TYW3: variants seen among roughly 807,000 people sequenced by gnomAD.
TYW3 encodes the protein tRNA-yW synthesizing protein 3 homolog.
In TYW3, 26 loss-of-function variants were observed where a neutral mutation model predicts 23.1. That is an observed-to-expected ratio of 1.13 (90% confidence interval 0.83 to 1.56). TYW3 has a LOEUF of 1.56. Among genes scored for constraint, TYW3 ranks in the 40% most tolerant of loss-of-function variants. TYW3 has a pLI of 0.00. For synonymous variants in TYW3, 102 were observed against 105.7 expected (o/e 0.97, Z 0.21); for missense variants, 316 against 311.9 (o/e 1.01, Z -0.10).
At chr1:74,736,188 T>A (rs1210514701) in intron 1 of TYW3, 1 of 157,166 alleles carries the variant, frequency 6.4e-6, no homozygotes, top group Non-Finnish European at 1.4e-5. Flanking sequence ...AAATTAAAAT[T>A]ATTTTTTTTT....
At chr1:74,763,261 A>G (rs570911000) in intron 5 of TYW3, among the ~76,000 whole-genome samples, 41 of 152,128 alleles carry the variant, frequency 2.7e-4, no homozygotes, top group Non-Finnish European at 5.0e-4. Flanking sequence ...ATATAAAGAA[A>G]TGGCTAAAAA....
intron 3 of TYW3, chr1:74,748,506 T>C (rs1479105810): frequency 4.6e-6 from 2 of 432,600 alleles, no homozygotes; most frequent in Non-Finnish European, 4.1e-6. Flanking sequence ...TGTCACTGTT[T>C]GTGATTGAAT....
In TYW3 at chr1:74,763,946, C is replaced by T; in HGVS notation, c.613C>T (p.His205Tyr). The change falls in exon 6 of 6, where the codon CAT (histidine) becomes TAT (tyrosine). Residue 205 changes from histidine to tyrosine, a missense_variant. Coordinates refer to ENST00000370867, the MANE Select transcript of TYW3 (RefSeq NM_138467.3). Reference sequence around the variant, plus strand: ...GGAAAGGGAAACGATGACTAACTTACATCCCAAGATCAAAGAGAAAAATAA... The same window carrying T: ...GGAAAGGGAAACGATGACTAACTTATATCCCAAGATCAAAGAGAAAAATAA... Reference protein sequence around the residue: ...ALERETMTNLHPKIKEKNNSS... With the variant: ...ALERETMTNLYPKIKEKNNSS... 1.9e-6 allele frequency: 3 copies of T among 1,607,574 alleles called. No individual in the cohort carries two copies. The highest frequency in any genetic ancestry group is 1.7e-6 in the Non-Finnish European group (2 of 1,178,338).
chr1:74,733,791 G>A (rs1011302207), intron 1 of TYW3, among the ~76,000 whole-genome samples: 3 of 152,182 alleles, frequency 2.0e-5, no homozygotes, highest in African/African-American at 7.2e-5. Context: ...AGACTTTGTA[G>A]CTTGCTAAGG....
chr1:74,748,496 T>C (rs1006616322), intron 3 of TYW3: 2 of 404,434 alleles, frequency 4.9e-6, no homozygotes, highest in Non-Finnish European at 8.7e-6. Context: ...ACTAGCCAAA[T>C]GTCACTGTTT....
At chr1:74,742,253 G>C (rs999789477) in intron 3 of TYW3, among the ~76,000 whole-genome samples, 4 of 152,176 alleles carry the variant, frequency 2.6e-5, no homozygotes, top group African/African-American at 9.7e-5. Context: ...CCCCTCACAG[G>C]CTTTGACTAC....
intron 3 of TYW3, among the ~76,000 whole-genome samples, chr1:74,740,513 C>T (rs1476876410): frequency 6.6e-6 from 1 of 152,256 alleles, no homozygotes; most frequent in Non-Finnish European, 1.5e-5. Flanking sequence ...CACCCACATC[C>T]TGCTGATTGG....
At chr1:74,747,207 G>C (rs1648591520) in intron 3 of TYW3, among the ~76,000 whole-genome samples, 1 of 152,202 alleles carries the variant, frequency 6.6e-6, no homozygotes, top group South Asian at 2.1e-4. Flanking sequence ...TGTGGCAAGA[G>C]CTGGATTAAT....
chr1:74,752,809 C>A (rs141171200), intron 5 of TYW3, among the ~76,000 whole-genome samples: 172 of 152,256 alleles, frequency 1.1e-3, no homozygotes, highest in Non-Finnish European at 1.9e-3. Flanking sequence ...TCAGAGATTA[C>A]CTAGTCTTTC....
rs1649308986 is a variant in TYW3, at chr1:74,766,416, G to A, written c.*2303G>A. The A allele has an allele frequency of 6.6e-6, 1 of 152,130 alleles. No homozygotes were observed. Among genetic ancestry groups the A allele is most frequent in the Admixed American group, 6.6e-5 (1 of 15,246 alleles). The allele number at this position is 152,130 out of a possible 1,614,324, so 9.4% of individuals were successfully genotyped here. ...TGTGGAGGAGGAAGACAGTGATACT[G>A]AGGATTCTGACCCTGTGTAGGCTTA... is the stretch of plus-strand genomic sequence containing the variant. On this transcript the variant is annotated 3_prime_UTR_variant, in exon 6 of 6. Transcript: ENST00000370867.
At chr1:74,742,854 T>G (rs540839493) in intron 3 of TYW3, among the ~76,000 whole-genome samples, 111 of 152,334 alleles carry the variant, frequency 7.3e-4, no homozygotes, top group Middle Eastern at 3.4e-3. Flanking sequence ...TTACAGGCTG[T>G]CCCAGGATTC....
chr1:74,733,634 C>A, intron 1 of TYW3: 1 of 875,976 alleles, frequency 1.1e-6, no homozygotes, highest in Non-Finnish European at 1.4e-6. Flanking sequence ...AAATACAGAT[C>A]CCGATTCTTT....
At chr1:74,751,619 G>A (rs772722732) in intron 4 of TYW3, among the ~76,000 whole-genome samples, 9 of 151,686 alleles carry the variant, frequency 5.9e-5, no homozygotes, top group South Asian at 2.1e-4. Flanking sequence ...GCTGTGAGCC[G>A]AGATTGCACC....
chr1:74,759,720 T>G (rs1249803124), intron 5 of TYW3, among the ~76,000 whole-genome samples: 2 of 152,220 alleles, frequency 1.3e-5, no homozygotes, highest in Non-Finnish European at 2.9e-5. Context: ...CTTGGCTCAC[T>G]GCAACCTTCG....
rs539593185 is a variant in TYW3, at chr1:74,760,292, G to A, written c.561-3602G>A. Among the ~76,000 whole-genome samples, 4 of 152,192 alleles carry A rather than the reference G, an allele frequency of 2.6e-5. No homozygotes were observed. In the East Asian group the frequency reaches 7.7e-4, roughly 29 times the overall value. ...AGAAGGAGAAGCAGGAATATTTGGT[G>A]TAGCTTTTATTCAAAAAAAATCTGC... On this transcript the variant is annotated intron_variant, in intron 5 of 5. Transcript: ENST00000370867.
intron 5 of TYW3, among the ~76,000 whole-genome samples, chr1:74,761,964 G>A (rs1649148144): frequency 6.6e-6 from 1 of 152,070 alleles, no homozygotes; most frequent in Admixed American, 6.6e-5. Flanking sequence ...AGGATGTAAA[G>A]GGTGCATTAA....
intron 5 of TYW3, among the ~76,000 whole-genome samples, chr1:74,759,132 GA>G (rs1203209098): frequency 6.6e-6 from 1 of 152,062 alleles, no homozygotes; most frequent in African/African-American, 2.4e-5. Flanking sequence ...GCTTATTCTG[GA>G]AGACCTGTCA....
rs141808339 is a variant in TYW3 at position 74,747,775 on chromosome 1, GTATA to G, written c.355-974_355-971del. The stretch of plus-strand genomic sequence containing the variant: ...TGTATATATGTATGTGTATATGTGT[GTATA>G]TGTATACACATGTGTACATATATAT... On this transcript the variant is annotated intron_variant, in intron 3 of 5. Coordinates refer to ENST00000370867, the MANE Select transcript of TYW3 (RefSeq NM_138467.3). Among the ~76,000 whole-genome samples the G allele has an allele frequency of 9.2e-5, 14 of 151,490 alleles. No individual in the cohort carries two copies. The South Asian group carries it at 2.7e-3, about 29-fold the overall frequency.
chr1:74,736,717 C>T lies in TYW3; in HGVS notation c.255+95C>T. 2.0e-6 allele frequency: 2 copies of T among 979,260 alleles called. 1 individual carries two copies. Among genetic ancestry groups the T allele is most frequent in the Non-Finnish European group, 3.0e-6 (2 of 662,984 alleles). The allele number at this position is 979,260 out of a possible 1,614,324, so 60.7% of individuals were successfully genotyped here. ...TAGAAAATTCAAGGTAATTTATATG[C>T]AGAGTTATAATGGCTGAAGATTATA... is the stretch of plus-strand genomic sequence containing the variant. On this transcript the variant is annotated intron_variant, in intron 2 of 5. Transcript: ENST00000370867.
Sources: allele counts gnomAD v4.1 joint callset (sites outside exome capture counted in the v4.1 genomes callset), GRCh38; gene constraint gnomAD v4.1.1; transcripts MANE v1.5; gene names NCBI Gene and HGNC (gene_info 2026-07-23, HGNC 2026-07-21).